NBEA: variants seen among roughly 807,000 people sequenced by gnomAD.
The protein encoded by NBEA is neurobeachin.
In NBEA, 44 loss-of-function variants were observed where a neutral mutation model predicts 343.4. That is an observed-to-expected ratio of 0.13 (90% confidence interval 0.10 to 0.16). The LOEUF (loss-of-function observed/expected upper bound fraction) is 0.16, where lower values mean the gene tolerates loss of function less well. Among genes scored for constraint, NBEA ranks in the 10% least tolerant of loss-of-function variants. NBEA has a pLI of 1.00. For synonymous variants in NBEA, 1,175 were observed against 1,238.7 expected (o/e 0.95, Z 1.08); for missense variants, 2,555 against 3,631.3 (o/e 0.70, Z 7.62).
intron 39 of NBEA, among the ~76,000 whole-genome samples, chr13:35,450,263 T>G (rs1002276107): frequency 1.3e-4 from 20 of 150,826 alleles, no homozygotes; most frequent in African/African-American, 4.6e-4. Context: ...TCGCTTGAGC[T>G]CAGGAGTTCA....
At chr13:35,606,018 G>C (rs2082269083) in intron 47 of NBEA, among the ~76,000 whole-genome samples, 1 of 151,954 alleles carries the variant, frequency 6.6e-6, no homozygotes, top group Non-Finnish European at 1.5e-5. Context: ...ACAAATACTG[G>C]CAATTAGTTT....
intron 18 of NBEA, among the ~76,000 whole-genome samples, chr13:35,154,185 A>G (rs1234034404): frequency 1.3e-5 from 2 of 152,174 alleles, no homozygotes; most frequent in African/African-American, 2.4e-5. Flanking sequence ...GAACATTCCT[A>G]ATATACTTAT....
At chr13:35,530,721 T>C (rs1394412937) in intron 41 of NBEA, among the ~76,000 whole-genome samples, 1 of 148,434 alleles carries the variant, frequency 6.7e-6, no homozygotes, top group Non-Finnish European at 1.5e-5. Flanking sequence ...TAGCAATACT[T>C]AATCTATTTC....
At chr13:35,398,874 C>T (rs972733141) in intron 38 of NBEA, among the ~76,000 whole-genome samples, 7 of 152,072 alleles carry the variant, frequency 4.6e-5, no homozygotes, top group Non-Finnish European at 5.9e-5. Context: ...AGCTTTAAAG[C>T]CAAGCATTGA....
intron 41 of NBEA, among the ~76,000 whole-genome samples, chr13:35,528,686 T>A (rs2078102246): frequency 6.6e-6 from 1 of 152,208 alleles, no homozygotes; most frequent in African/African-American, 2.4e-5. Context: ...GACAAAATTA[T>A]ACATTAAGGC....
intron 38 of NBEA, among the ~76,000 whole-genome samples, chr13:35,405,278 A>C (rs895810779): frequency 5.3e-5 from 8 of 152,156 alleles, no homozygotes; most frequent in Admixed American, 2.0e-4. Flanking sequence ...CATCCATATG[A>C]ATGAGAAACG....
chr13:35,161,686 A>G (rs1421794170), intron 22 of NBEA, 64 bp from the exon 23 acceptor site: 1 of 1,295,974 alleles, frequency 7.7e-7, no homozygotes, highest in African/African-American at 1.5e-5. Flanking sequence ...CTATACTCAC[A>G]GTTTCATTTT....
chr13:35,372,751 G>A (rs1229333477), intron 38 of NBEA, among the ~76,000 whole-genome samples: 1 of 152,122 alleles, frequency 6.6e-6, no homozygotes, highest in Non-Finnish European at 1.5e-5. Context: ...CAGTGGGGAT[G>A]CTACCAGTGG....
At chr13:35,293,643 A>G (rs1044568485) in intron 35 of NBEA, among the ~76,000 whole-genome samples, 21 of 151,890 alleles carry the variant, frequency 1.4e-4, no homozygotes, top group African/African-American at 4.3e-4. Flanking sequence ...CTTATTCTCT[A>G]TTTGTGCTTA....
intron 6 of NBEA, among the ~76,000 whole-genome samples, chr13:35,053,582 A>AGT (rs2063141986): frequency 6.6e-6 from 1 of 151,942 alleles, no homozygotes; most frequent in Non-Finnish European, 1.5e-5. Flanking sequence ...AACTTCCTTG[A>AGT]GTGTGTATAT....
intron 18 of NBEA, among the ~76,000 whole-genome samples, chr13:35,144,044 A>T (rs552376211): frequency 6.6e-6 from 1 of 152,302 alleles, no homozygotes; most frequent in South Asian, 2.1e-4. Context: ...TGGGGGAAAA[A>T]GTGTATTTTG....
At chr13:35,039,464 A>G (rs1179179696) in intron 1 of NBEA, among the ~76,000 whole-genome samples, 1 of 152,112 alleles carries the variant, frequency 6.6e-6, no homozygotes, top group Non-Finnish European at 1.5e-5. Flanking sequence ...CCCTCCTAAA[A>G]AATATTCTTA....
At chr13:35,185,591 G>C (rs1023897590) in intron 30 of NBEA, 2 of 152,092 alleles carry the variant, frequency 1.3e-5, no homozygotes, top group African/African-American at 2.4e-5. Flanking sequence ...TGTTCCAAAG[G>C]CTCTGCTATG....
rs1246853063 is a variant in NBEA at position 35,331,557 on chromosome 13, T to C, written c.5904-17551T>C. Among the ~76,000 whole-genome samples the C allele has an allele frequency of 2.0e-5, 3 of 152,088 alleles. No individual in the cohort carries two copies. In the East Asian group the frequency reaches 5.8e-4, roughly 29 times the overall value. On this transcript the variant is annotated intron_variant, in intron 36 of 58. Coordinates refer to ENST00000379939, the MANE Select transcript of NBEA (RefSeq NM_001385012.1). ...ATTGCCTTTTCTATTGATGTATTTT[T>C]CATCAAGTAATAGAAATTGTTTATA...
intron 38 of NBEA, among the ~76,000 whole-genome samples, chr13:35,398,985 G>A (rs1332262051): frequency 1.3e-5 from 2 of 152,166 alleles, no homozygotes; most frequent in African/African-American, 4.8e-5. Flanking sequence ...ACCTTCATCA[G>A]TGATCTTAGC....
Position 34,942,496 on chromosome 13 carries a change from C to A in NBEA, c.-325C>A. On this transcript the variant is annotated 5_prime_UTR_variant, in exon 1 of 59. Coordinates refer to ENST00000379939, the MANE Select transcript of NBEA (RefSeq NM_001385012.1). ...CGGGGGGCGGGCCGGGCCGGACAGA[C>A]CGGGAGAGGGAGAGAGCAGAGGCAG... 1 of 178,148 alleles carries A rather than the reference C, an allele frequency of 5.6e-6. No homozygotes were observed. Among genetic ancestry groups the A allele is most frequent in the Non-Finnish European group, 1.2e-5 (1 of 85,756 alleles). The allele number at this position is 178,148 out of a possible 1,614,324, so 11.0% of individuals were successfully genotyped here.
Position 35,118,285 on chromosome 13 carries a change from C to A in NBEA, c.2140C>A (p.His714Asn). The stretch of plus-strand genomic sequence containing the variant: ...TATATTAAATTACCTACTTACGATG[C>A]ATGAGGTAGGACATGTTATGGGCCT... ...QSILNYLLTMHEDENIHDVLQ... is the reference protein window; with the variant it reads ...QSILNYLLTMNEDENIHDVLQ... The change falls in exon 15 of 59, where the codon CAT becomes AAT. Residue 714 changes from histidine to asparagine, a missense_variant. By Grantham distance (68) the His-to-Asn change is moderately conservative (BLOSUM62 1). Coordinates refer to ENST00000379939, the MANE Select transcript of NBEA (RefSeq NM_001385012.1). 1 of 1,566,786 alleles carries A rather than the reference C, an allele frequency of 6.4e-7. No homozygotes were observed. Among genetic ancestry groups the A allele is most frequent in the Non-Finnish European group, 8.7e-7 (1 of 1,154,012 alleles).
intron 33 of NBEA, among the ~76,000 whole-genome samples, chr13:35,225,305 C>A (rs1046837013): frequency 6.6e-6 from 1 of 152,072 alleles, no homozygotes; most frequent in African/African-American, 2.4e-5. Flanking sequence ...GAACGTTTCC[C>A]TTCCCCTCCC....
At chr13:35,089,069 T>G (rs553562195) in intron 10 of NBEA, among the ~76,000 whole-genome samples, 422 of 94,610 alleles carry the variant, frequency 4.5e-3, no homozygotes, top group South Asian at 5.8e-3. Flanking sequence ...GGGATCTAAT[T>G]AAACTAAAGA....
Sources: allele counts gnomAD v4.1 joint callset (sites outside exome capture counted in the v4.1 genomes callset), GRCh38; gene constraint gnomAD v4.1.1; transcripts MANE v1.5; gene names NCBI Gene and HGNC (gene_info 2026-07-23, HGNC 2026-07-21).